The following IKZF1 variants were observed in gnomAD, a reference collection of about 807,000 sequenced individuals.
IKZF1 encodes the protein DNA-binding protein Ikaros.
In IKZF1, 10 loss-of-function variants were observed where a neutral mutation model predicts 51.7. The observed-to-expected ratio is 0.19, with a 90% CI of 0.12 to 0.33. IKZF1 has a LOEUF of 0.33. Ranked by LOEUF, IKZF1 falls within the 10% of genes least tolerant of loss-of-function variation. IKZF1 has a pLI of 1.00. For missense variants in IKZF1, 484 were observed against 707.5 expected (o/e 0.68, Z 3.58); for synonymous variants, 280 against 282.3 (o/e 0.99, Z 0.08).
At chr7:50,384,527 G>T (rs139098345) in intron 5 of IKZF1, among the ~76,000 whole-genome samples, 1 of 152,254 alleles carries the variant, frequency 6.6e-6, no homozygotes, top group East Asian at 1.9e-4. Context: ...CCTTGTTACA[G>T]AGGGACAGGG....
Position 50,400,619 on chromosome 7 carries a change from A to G in IKZF1, c.1552A>G (p.Met518Val), listed in dbSNP as rs1405523892. 2 of 1,609,104 alleles carry G rather than the reference A, an allele frequency of 1.2e-6. No homozygotes were observed. Among genetic ancestry groups the G allele is most frequent in the Non-Finnish European group, 1.7e-6 (2 of 1,179,780 alleles). ...AACGCGAGGGGAGCACCGCTTCCAC[A>G]TGAGCTAAAGCCCTCCCGCGCCCCC... is the stretch of plus-strand genomic sequence containing the variant. ...HITRGEHRFH[M>V]S Residue 518 changes from methionine (M) to valine (V), a missense_variant, in exon 8 of 8, where the codon ATG becomes GTG. By Grantham distance (21) the Met-to-Val change is conservative (BLOSUM62 1). Coordinates refer to ENST00000331340, the MANE Select transcript of IKZF1 (RefSeq NM_006060.6). This position sits in a 1 kb window ranked among gnomAD's most constrained non-coding sequence, Gnocchi z 5.4.
At chr7:50,327,796 T>C in intron 3 of IKZF1, 39 bp downstream of exon 3, 1 of 1,548,238 alleles carries the variant, frequency 6.5e-7, no homozygotes, top group Non-Finnish European at 8.7e-7. Flanking sequence ...CTGTGAAACC[T>C]TTATCTCTTT....
At chr7:50,331,376 A>G (rs1265033865) in intron 3 of IKZF1, among the ~76,000 whole-genome samples, 2 of 152,078 alleles carry the variant, frequency 1.3e-5, no homozygotes, top group African/African-American at 4.8e-5. Context: ...CACCTGACTC[A>G]AGTTCAAGTC....
At chr7:50,358,987 C>T (rs780270778) in intron 3 of IKZF1, among the ~76,000 whole-genome samples, 4 of 152,184 alleles carry the variant, frequency 2.6e-5, no homozygotes, top group Admixed American at 2.6e-4. Context: ...TGGCCAAGTG[C>T]GGTAGCTCAC....
intron 1 of IKZF1, among the ~76,000 whole-genome samples, chr7:50,313,135 T>G (rs1357863578): frequency 6.6e-6 from 1 of 152,254 alleles, no homozygotes; most frequent in Non-Finnish European, 1.5e-5. Context: ...TTTCCTTTTT[T>G]AAAATACAGT....
At chr7:50,381,848 C>G (rs1811926265) in intron 4 of IKZF1, among the ~76,000 whole-genome samples, 1 of 152,230 alleles carries the variant, frequency 6.6e-6, no homozygotes, top group African/African-American at 2.4e-5. Context: ...AGATGGGAGG[C>G]TTCCTTCACA....
In IKZF1 at chr7:50,387,331, T is replaced by C; in HGVS notation, c.590-14T>C. On this transcript the variant is annotated splice_polypyrimidine_tract_variant and intron_variant, in intron 5 of 7. Coordinates refer to ENST00000331340, the MANE Select transcript of IKZF1 (RefSeq NM_006060.6). ...ATTTAATTGGGGTCTTGAACTCAAT[T>C]GTGTTTTCTGCAGTTGGTAAACCTC... 6.2e-7 allele frequency: 1 copy of C among 1,612,194 alleles called. No individual in the cohort carries two copies. Among genetic ancestry groups the C allele is most frequent in the Non-Finnish European group, 8.5e-7 (1 of 1,178,910 alleles).
At chr7:50,314,145 C>CT (rs764528744) in intron 1 of IKZF1, among the ~76,000 whole-genome samples, 4 of 152,152 alleles carry the variant, frequency 2.6e-5, no homozygotes, top group Non-Finnish European at 5.9e-5. Flanking sequence ...TCATCTCGCT[C>CT]TGTCGCCCAG....
chr7:50,402,906 T>G lies in IKZF1; in HGVS notation c.*2279T>G, dbSNP rs4132601. On this transcript the variant is annotated 3_prime_UTR_variant, in exon 8 of 8. Coordinates refer to ENST00000331340, the MANE Select transcript of IKZF1 (RefSeq NM_006060.6). ...TGCAATCACAGAGAAAGATGCGCCT[T>G]ATCCAAGTTAATATCTCTAAGGTGA... 55,077 of 228,706 alleles carry G rather than the reference T, an allele frequency of 0.24. 7,068 individuals carry two copies. The highest frequency in any genetic ancestry group is 0.29 in the South Asian group (1,569 of 5,476). 14.2% of individuals were successfully genotyped at this position (228,706 alleles called of 1,614,324 possible).
chr7:50,393,868 T>C (rs1200522404), intron 7 of IKZF1: 1 of 232,616 alleles, frequency 4.3e-6, no homozygotes, highest in Non-Finnish European at 8.5e-6. Flanking sequence ...GAGTGAAGGG[T>C]TACTGACCTT....
At chr7:50,354,500 G>A (rs946064131) in intron 3 of IKZF1, among the ~76,000 whole-genome samples, 3 of 152,236 alleles carry the variant, frequency 2.0e-5, no homozygotes, top group Admixed American at 1.3e-4. Flanking sequence ...CAGGCCTGAA[G>A]GGAGCCTAAG....
intron 6 of IKZF1, among the ~76,000 whole-genome samples, chr7:50,388,144 T>A (rs577739795): frequency 6.6e-6 from 1 of 152,308 alleles, no homozygotes. Flanking sequence ...AAGGCTGGAT[T>A]TATCTGGGGG....
rs749637811 is a variant in IKZF1, at chr7:50,402,328, T to C, written c.*1701T>C. 6.1e-5 allele frequency: 14 copies of C among 230,826 alleles called. No homozygotes were observed. The highest frequency in any genetic ancestry group is 1.3e-3 in the Middle Eastern group (1 of 768). 14.3% of individuals were successfully genotyped at this position (230,826 alleles called of 1,614,324 possible). A position where few individuals can be genotyped will look rare whatever the true frequency, so the allele number is the denominator to read the frequency against. On this transcript the variant is annotated 3_prime_UTR_variant, in exon 8 of 8. Coordinates refer to ENST00000331340, the MANE Select transcript of IKZF1 (RefSeq NM_006060.6). ...ACAGGGGTTCTTAGTCTCAGCACTA[T>C]GACATTTTGGGCTGACTACTTATTT...
intron 3 of IKZF1, among the ~76,000 whole-genome samples, chr7:50,335,561 G>A (rs1797541856): frequency 6.6e-6 from 1 of 150,868 alleles, no homozygotes; most frequent in Non-Finnish European, 1.5e-5. Context: ...GATGTGTGGT[G>A]TGTGGTGTGT....
At chr7:50,322,056 G>A (rs1201684866) in intron 2 of IKZF1, among the ~76,000 whole-genome samples, 1 of 152,222 alleles carries the variant, frequency 6.6e-6, no homozygotes, top group Non-Finnish European at 1.5e-5. Flanking sequence ...AGCACTTAAA[G>A]AGTCATGTCA....
chr7:50,400,251 A>C lies in IKZF1; in HGVS notation c.1184A>C (p.Gln395Pro), dbSNP rs1226975576. The change falls in exon 8 of 8, where the codon CAA (glutamine) becomes CCA (proline). Residue 395 changes from glutamine (Q) to proline (P), a missense_variant. Transcript: ENST00000331340. The surrounding 1 kb of genome is among the most constrained non-coding windows in gnomAD (Gnocchi z 5.4). ...EREASPSNSC[Q>P]DSTDTESNNE... ...GAGGCGTCCCCGAGCAACAGCTGCCAAGACTCCACGGACACCGAGAGCAAC... is the reference window on the plus strand; with the variant it reads ...GAGGCGTCCCCGAGCAACAGCTGCCCAGACTCCACGGACACCGAGAGCAAC... The C allele has an allele frequency of 6.2e-7, 1 of 1,610,932 alleles. No individual in the cohort carries two copies. The highest frequency in any genetic ancestry group is 8.5e-7 in the Non-Finnish European group (1 of 1,179,034).
chr7:50,376,759 C>T lies in IKZF1; in HGVS notation c.387C>T (p.Pro129=), dbSNP rs1562863406. Reference sequence around the variant, plus strand: ...TCTGTGGGATCATTTGCATCGGGCCCAATGTGCTCATGGTTCACAAAAGAA... The same window carrying T: ...TCTGTGGGATCATTTGCATCGGGCCTAATGTGCTCATGGTTCACAAAAGAA... ...CDICGIICIG[P]NVLMVHKRSH... is the part of the protein sequence containing the mutation. Residue 129 remains proline, a synonymous_variant, in exon 4 of 8, where the codon CCC becomes CCT. Transcript: ENST00000331340. The surrounding 1 kb of genome is among the most constrained non-coding windows in gnomAD (Gnocchi z 4.5). The T allele has an allele frequency of 2.5e-6, 4 of 1,613,964 alleles. No homozygotes were observed. Among genetic ancestry groups the T allele is most frequent in the Non-Finnish European group, 3.4e-6 (4 of 1,179,884 alleles).
At chr7:50,393,218 T>C (rs998365334) in intron 7 of IKZF1, among the ~76,000 whole-genome samples, 4 of 152,116 alleles carry the variant, frequency 2.6e-5, no homozygotes, top group Non-Finnish European at 5.9e-5. Flanking sequence ...AGGGAAACCA[T>C]GAGTCACACT....
intron 7 of IKZF1, among the ~76,000 whole-genome samples, chr7:50,393,555 G>A (rs1584997045): frequency 6.6e-6 from 1 of 152,316 alleles, no homozygotes; most frequent in East Asian, 1.9e-4. Context: ...GGGGTTGAGA[G>A]GAGCAAGGGA....
Sources: allele counts gnomAD v4.1 joint callset (sites outside exome capture counted in the v4.1 genomes callset), GRCh38; gene constraint gnomAD v4.1.1; non-coding constraint Gnocchi (gnomAD v3.1); transcripts MANE v1.5; gene names NCBI Gene and HGNC (gene_info 2026-07-23, HGNC 2026-07-21).